Variants in SEPTIN11 observed in about 807,000 individuals in gnomAD.
The protein encoded by SEPTIN11 is septin-11.
A neutral mutation model predicts 51.4 loss-of-function variants in SEPTIN11; 25 were observed. The ratio of observed to expected loss-of-function variants is 0.49; its 90% CI spans 0.35 to 0.68. SEPTIN11 has a LOEUF of 0.68. Ranked by LOEUF, SEPTIN11 falls within the 30% of genes least tolerant of loss-of-function variation. The pLI is 0.00. For synonymous variants in SEPTIN11, 174 were observed against 184.1 expected (o/e 0.95, Z 0.44); for missense variants, 381 against 520.8 (o/e 0.73, Z 2.61).
chr4:76,969,749 G>C (rs1247239351), intron 1 of SEPTIN11, among the ~76,000 whole-genome samples: 8 of 152,076 alleles, frequency 5.3e-5, no homozygotes, highest in Non-Finnish European at 1.2e-4. Context: ...ATAGTAATGG[G>C]ATTTTTCTCT....
chr4:76,975,640 C>T (rs754224786), intron 1 of SEPTIN11, among the ~76,000 whole-genome samples: 9 of 152,116 alleles, frequency 5.9e-5, no homozygotes, highest in South Asian at 2.1e-4. Context: ...TCTGATGCAG[C>T]GTATTCTTTT....
intron 7 of SEPTIN11, among the ~76,000 whole-genome samples, chr4:77,022,169 G>A (rs528521174): frequency 7.9e-5 from 12 of 152,162 alleles, no homozygotes; most frequent in East Asian, 1.9e-4. Flanking sequence ...GGGAAAGGCC[G>A]TCTTCAGTAT....
At chr4:76,976,579 A>G (rs1022794833) in intron 1 of SEPTIN11, among the ~76,000 whole-genome samples, 3 of 152,200 alleles carry the variant, frequency 2.0e-5, no homozygotes, top group Non-Finnish European at 4.4e-5. Flanking sequence ...AAACAATCAT[A>G]AAGTTGCACT....
Position 76,954,575 on chromosome 4 carries a change from A to G in SEPTIN11, c.27+4645A>G, listed in dbSNP as rs147498579. On this transcript the variant is annotated intron_variant, in intron 1 of 9. Transcript: ENST00000264893. The stretch of plus-strand genomic sequence containing the variant: ...CATCAATGCAGCAGCTGTTGAACAT[A>G]AAAACAATACTTGGGCTAAGGTAAT... 2.2e-3 allele frequency among the ~76,000 whole-genome samples: 335 copies of G among 152,338 alleles called. 1 individual carries two copies. Among genetic ancestry groups the G allele is most frequent in the African/African-American group, 7.9e-3 (328 of 41,572 alleles).
intron 1 of SEPTIN11, chr4:76,959,100 C>G: frequency 1.5e-6 from 1 of 656,626 alleles, no homozygotes; most frequent in Admixed American, 1.9e-5. Flanking sequence ...GAGAAGTCAA[C>G]TACAAGTTTA....
At position 77,036,800 on chromosome 4, in the gene SEPTIN11, A is replaced by G. The variant is rs1727060266; in HGVS notation, c.*2288A>G. On this transcript the variant is annotated 3_prime_UTR_variant, in exon 10 of 10. Coordinates refer to ENST00000264893, the MANE Select transcript of SEPTIN11 (RefSeq NM_018243.4). ...CTTGGCTCTGCACGGAATAAATGATACCCTCAAATCTAATTGGATGTGCTT... is the reference window on the plus strand; with the variant it reads ...CTTGGCTCTGCACGGAATAAATGATGCCCTCAAATCTAATTGGATGTGCTT... 2 of 1,531,950 alleles carry G rather than the reference A, an allele frequency of 1.3e-6. No homozygotes were observed. The highest frequency in any genetic ancestry group is 1.4e-5 in the African/African-American group (1 of 72,708). The allele number at this position is 1,531,950 out of a possible 1,614,324, so 94.9% of individuals were successfully genotyped here.
At chr4:77,017,834 G>C (rs985066108) in intron 5 of SEPTIN11, among the ~76,000 whole-genome samples, 1 of 152,208 alleles carries the variant, frequency 6.6e-6, no homozygotes, top group African/African-American at 2.4e-5. Flanking sequence ...TCAGAATGCA[G>C]TGATAACTAC....
chr4:76,998,023 G>C (rs1723851464), intron 2 of SEPTIN11, among the ~76,000 whole-genome samples: 1 of 152,044 alleles, frequency 6.6e-6, no homozygotes, highest in East Asian at 1.9e-4. Context: ...GCAGTGGGGT[G>C]TGCTGGCTGA....
chr4:76,961,694 G>A (rs566501835), intron 1 of SEPTIN11, among the ~76,000 whole-genome samples: 1 of 152,308 alleles, frequency 6.6e-6, no homozygotes, highest in South Asian at 2.1e-4. Flanking sequence ...ACCAAATACT[G>A]TATGGAAAGT....
intron 2 of SEPTIN11, among the ~76,000 whole-genome samples, chr4:76,999,861 T>G (rs1251582936): frequency 6.6e-6 from 1 of 152,236 alleles, no homozygotes; most frequent in East Asian, 1.9e-4. Context: ...CCCTTCTCTC[T>G]GTTTTGCTAC....
rs1397757696 is a variant in SEPTIN11 at position 76,959,755 on chromosome 4, A to G, written c.27+9825A>G. Among the ~76,000 whole-genome samples the G allele has an allele frequency of 2.6e-5, 4 of 152,232 alleles. No individual in the cohort carries two copies. In the East Asian group the frequency reaches 7.7e-4, roughly 29 times the overall value. ...CTGCATAAATTGGAAAAATGGGGTA[A>G]TAAGAAACAACTTTAATTAGCTAAC... On this transcript the variant is annotated intron_variant, in intron 1 of 9. Coordinates refer to ENST00000264893, the MANE Select transcript of SEPTIN11 (RefSeq NM_018243.4).
At position 77,024,301 on chromosome 4, in the gene SEPTIN11, C is replaced by T. The variant is rs1052030332; in HGVS notation, c.953+3631C>T. ...GTGGCAGAATATGTATATAACCAGACATTCATCTGCTCTTTCCCAAGCCCA... is the reference window on the plus strand; with the variant it reads ...GTGGCAGAATATGTATATAACCAGATATTCATCTGCTCTTTCCCAAGCCCA... On this transcript the variant is annotated intron_variant, in intron 7 of 9. Transcript: ENST00000264893. The surrounding 1 kb of genome is among the most constrained non-coding windows in gnomAD (Gnocchi z 4.2). Among the ~76,000 whole-genome samples, 3 of 151,398 alleles carry T rather than the reference C, an allele frequency of 2.0e-5. No homozygotes were observed. Among genetic ancestry groups the T allele is most frequent in the Non-Finnish European group, 2.9e-5 (2 of 68,018 alleles).
downstream of SEPTIN11, chr4:77,039,643 G>GT (rs201813448): frequency 6.8e-4 from 659 of 967,588 alleles, no homozygotes; most frequent in Middle Eastern, 1.1e-3. Context: ...GGTGTTTGGG[G>GT]TTTTTAAAAA....
intron 7 of SEPTIN11, among the ~76,000 whole-genome samples, chr4:77,022,872 T>C (rs1468915695): frequency 7.0e-6 from 1 of 143,030 alleles, no homozygotes; most frequent in Non-Finnish European, 1.5e-5. Context: ...CCCAGTGGCC[T>C]AAGTTTGCCA....
At chr4:77,021,184 AAGG>A (rs1435973393) in intron 7 of SEPTIN11, 1 of 152,932 alleles carries the variant, frequency 6.5e-6, no homozygotes, top group African/African-American at 2.4e-5. Context: ...ATCAGGAGGA[AAGG>A]AGAATAGCTT....
intron 6 of SEPTIN11, among the ~76,000 whole-genome samples, chr4:77,020,150 G>A (rs1725592931): frequency 6.6e-6 from 1 of 152,104 alleles, no homozygotes; most frequent in Non-Finnish European, 1.5e-5. Context: ...CCTCTCTTTG[G>A]GAGGTCAGCT....
At position 77,018,448 on chromosome 4, in the gene SEPTIN11, C is replaced by CA. The variant is rs35058632; in HGVS notation, c.688-702dup. Among the ~76,000 whole-genome samples, 290 of 131,738 alleles carry CA rather than the reference C, an allele frequency of 2.2e-3. No individual in the cohort carries two copies. The East Asian group carries it at 0.031, about 14-fold the overall frequency. The allele number at this position is 131,738 out of a possible 152,430, so 86.4% of individuals were successfully genotyped here. A position where few individuals can be genotyped will look rare whatever the true frequency, so the allele number is the denominator to read the frequency against. On this transcript the variant is annotated intron_variant, in intron 5 of 9. Coordinates refer to ENST00000264893, the MANE Select transcript of SEPTIN11 (RefSeq NM_018243.4). ...TGGGCAACAGAGCGAGACTCCATCT[C>CA]AAAAAAAAAAAAAAAGATATTTTAA...
intron 1 of SEPTIN11, among the ~76,000 whole-genome samples, chr4:76,979,380 G>A (rs888587529): frequency 1.3e-5 from 2 of 152,238 alleles, no homozygotes; most frequent in African/African-American, 4.8e-5. Context: ...GGAGTTGAAG[G>A]TGGAGGCATG....
intron 2 of SEPTIN11, among the ~76,000 whole-genome samples, chr4:77,001,364 T>A (rs370137242): frequency 7.6e-6 from 1 of 132,218 alleles, no homozygotes; most frequent in Admixed American, 7.7e-5. Context: ...TTTTTTTTTT[T>A]AAAGATGGAG....
Sources: allele counts gnomAD v4.1 joint callset (sites outside exome capture counted in the v4.1 genomes callset), GRCh38; gene constraint gnomAD v4.1.1; non-coding constraint Gnocchi (gnomAD v3.1); transcripts MANE v1.5; gene names NCBI Gene and HGNC (gene_info 2026-07-23, HGNC 2026-07-21).